The following CPQ variants were observed in gnomAD, a reference collection of about 807,000 sequenced individuals.
CPQ encodes carboxypeptidase Q, also known as Ser-Met dipeptidase.
A neutral mutation model predicts 45.7 loss-of-function variants in CPQ; 37 were observed. That is an observed-to-expected ratio of 0.81 (90% CI 0.62 to 1.07). The LOEUF (loss-of-function observed/expected upper bound fraction) is 1.07, where lower values mean the gene tolerates loss of function less well. Among genes scored for constraint, CPQ ranks in the 50% least tolerant of loss-of-function variants. CPQ has a pLI of 0.00. For missense variants in CPQ, 537 were observed against 572.9 expected, an observed-to-expected ratio of 0.94 and a Z score of 0.64; for synonymous variants, 186 against 205.8, an observed-to-expected ratio of 0.90 and a Z score of 0.82.
chr8:96,977,507 G>A (rs780346401), intron 5 of CPQ, among the ~76,000 whole-genome samples: 1 of 152,078 alleles, frequency 6.6e-6, no homozygotes, highest in South Asian at 2.1e-4. Flanking sequence ...CAGAGGAAAA[G>A]AAGTCAGTAT....
At chr8:96,850,391 A>G (rs1322568346) in intron 3 of CPQ, among the ~76,000 whole-genome samples, 1 of 152,134 alleles carries the variant, frequency 6.6e-6, no homozygotes, top group Non-Finnish European at 1.5e-5. Flanking sequence ...CTACTAAGGA[A>G]AGAAGCTGTG....
intron 2 of CPQ, among the ~76,000 whole-genome samples, chr8:96,824,071 C>T (rs1212550576): frequency 6.6e-6 from 1 of 151,976 alleles, no homozygotes; most frequent in African/African-American, 2.4e-5. Flanking sequence ...GTGGAGATGG[C>T]CTCTAAATTT....
chr8:96,653,134 G>T (rs1220955773), intron 1 of CPQ, among the ~76,000 whole-genome samples: 1 of 152,158 alleles, frequency 6.6e-6, no homozygotes, highest in African/African-American at 2.4e-5. Context: ...TCGCCATGTT[G>T]CCCAGACTGG....
chr8:97,122,997 TAAAATATA>T, intron 7 of CPQ, among the ~76,000 whole-genome samples: 1 of 35,992 alleles, frequency 2.8e-5, no homozygotes, highest in African/African-American at 1.5e-4. Context: ...TAAAATAAAA[TAAAATATA>T]AAATAAAATA....
chr8:96,712,135 A>G (rs1331295177), intron 1 of CPQ, among the ~76,000 whole-genome samples: 4 of 152,148 alleles, frequency 2.6e-5, no homozygotes, highest in African/African-American at 9.7e-5. Flanking sequence ...CTTTGACTCC[A>G]TGTCTCACAT....
chr8:96,680,294 G>C (rs986184423), intron 1 of CPQ: 1 of 152,110 alleles, frequency 6.6e-6, no homozygotes, highest in South Asian at 2.1e-4. Context: ...ATATGGTTTG[G>C]CTGTGTCCCC....
intron 1 of CPQ, among the ~76,000 whole-genome samples, chr8:96,695,830 T>C (rs1809372411): frequency 6.6e-6 from 1 of 150,942 alleles, no homozygotes; most frequent in East Asian, 1.9e-4. Flanking sequence ...GGAACACTTT[T>C]ACACTGTTGA....
chr8:96,712,048 A>G (rs111783050), intron 1 of CPQ, among the ~76,000 whole-genome samples: 11 of 152,170 alleles, frequency 7.2e-5, no homozygotes, highest in Admixed American at 5.2e-4. Context: ...ATTGACCAAA[A>G]CAAAGGGGAT....
intron 2 of CPQ, among the ~76,000 whole-genome samples, chr8:96,790,947 A>T (rs1810838227): frequency 6.6e-6 from 1 of 152,158 alleles, no homozygotes; most frequent in African/African-American, 2.4e-5. Context: ...TAGGTGGTAG[A>T]ATTCTCCAAG....
chr8:97,099,424 C>G (rs1811266001), intron 7 of CPQ, among the ~76,000 whole-genome samples: 1 of 151,756 alleles, frequency 6.6e-6, no homozygotes, highest in Admixed American at 6.6e-5. Context: ...AGCCACCATG[C>G]CTGGCCCCAA....
At chr8:96,712,325 T>C (rs1175526141) in intron 1 of CPQ, among the ~76,000 whole-genome samples, 2 of 152,180 alleles carry the variant, frequency 1.3e-5, no homozygotes, top group Non-Finnish European at 2.9e-5. Flanking sequence ...TGGAGGACAG[T>C]GGCCCTCTTC....
rs186572474 is a variant in CPQ, at chr8:96,959,410, G to A, written c.850-6525G>A. Reference sequence around the variant, plus strand: ...CCTTCTCTTTTAGCTTTCTGTCTAAGGCCTCAGAATGTAGTCTATTTTAGA... The same window carrying A: ...CCTTCTCTTTTAGCTTTCTGTCTAAAGCCTCAGAATGTAGTCTATTTTAGA... On this transcript the variant is annotated intron_variant, in intron 4 of 7. Transcript: ENST00000220763. Among the ~76,000 whole-genome samples the A allele has an allele frequency of 1.7e-3, 252 of 152,214 alleles. 3 individuals carry two copies. Among genetic ancestry groups the A allele is most frequent in the Admixed American group, 0.013 (194 of 15,278 alleles).
chr8:97,093,817 C>A (rs1439198439), intron 7 of CPQ, among the ~76,000 whole-genome samples: 1 of 152,154 alleles, frequency 6.6e-6, no homozygotes, highest in Non-Finnish European at 1.5e-5. Context: ...ATCCGCTATT[C>A]ATTTGCCTTC....
At chr8:96,745,658 T>C (rs1752565606) in intron 1 of CPQ, among the ~76,000 whole-genome samples, 1 of 152,224 alleles carries the variant, frequency 6.6e-6, no homozygotes, top group South Asian at 2.1e-4. Context: ...ACTGGCAGAA[T>C]TGGGAATCAT....
At position 96,878,498 on chromosome 8, in the gene CPQ, C is replaced by G. The variant is rs912542485; in HGVS notation, c.642-1300C>G. 2.0e-5 allele frequency among the ~76,000 whole-genome samples: 3 copies of G among 152,260 alleles called. No individual in the cohort carries two copies. In the East Asian group the frequency reaches 5.8e-4, roughly 29 times the overall value. ...TTATCACTTCCATTTGTAGAAGACA[C>G]CCCTGAAACAAAGATGTGGGTAACT... On this transcript the variant is annotated intron_variant, in intron 3 of 7. Coordinates refer to ENST00000220763, the MANE Select transcript of CPQ (RefSeq NM_016134.4).
intron 2 of CPQ, among the ~76,000 whole-genome samples, chr8:96,806,497 A>G (rs995149936): frequency 5.9e-5 from 9 of 152,200 alleles, no homozygotes; most frequent in Non-Finnish European, 1.0e-4. Flanking sequence ...TTGTAAAAAT[A>G]TGAAATTATT....
intron 2 of CPQ, among the ~76,000 whole-genome samples, chr8:96,817,806 G>C (rs1003933490): frequency 6.6e-6 from 1 of 151,754 alleles, no homozygotes. Context: ...GTGGAGACAG[G>C]GTCTCACTAT....
rs34445591 is a variant in CPQ at position 96,958,008 on chromosome 8, AT to A, written c.850-7916del. ...TAGACGTGCACCACTACACCCGGCT[AT>A]TTTTTTTTTTCAATAGAGATGAGTT... On this transcript the variant is annotated intron_variant, in intron 4 of 7. Transcript: ENST00000220763. 5.8e-3 allele frequency among the ~76,000 whole-genome samples: 855 copies of A among 147,242 alleles called. 2 individuals carry two copies. The highest frequency in any genetic ancestry group is 8.9e-3 in the Non-Finnish European group (594 of 66,570).
At chr8:96,747,472 G>A (rs1484777149) in intron 1 of CPQ, among the ~76,000 whole-genome samples, 1 of 152,052 alleles carries the variant, frequency 6.6e-6, no homozygotes, top group East Asian at 1.9e-4. Context: ...AAAAACACCT[G>A]AGAAAAATTT....
Sources: allele counts gnomAD v4.1 joint callset (sites outside exome capture counted in the v4.1 genomes callset), GRCh38; gene constraint gnomAD v4.1.1; transcripts MANE v1.5; gene names NCBI Gene and HGNC (gene_info 2026-07-23, HGNC 2026-07-21).